Variants in FGF12 observed in about 807,000 individuals in gnomAD.
The protein encoded by FGF12 is fibroblast growth factor 12, also known as fibroblast growth factor 12B.
In FGF12, 14 loss-of-function variants were observed where a neutral mutation model predicts 23.6. The ratio of observed to expected loss-of-function variants is 0.59; its 90% CI spans 0.39 to 0.93. The LOEUF (loss-of-function observed/expected upper bound fraction) is 0.93. Ranked by LOEUF, FGF12 falls within the 40% of genes least tolerant of loss-of-function variation. The probability of loss-of-function intolerance (pLI) is 0.00; values close to 1 mark genes in which losing one functional copy is unlikely to be tolerated. For synonymous variants in FGF12, 62 were observed against 77.3 expected (o/e 0.80, Z 1.04); for missense variants, 175 against 217.8 (o/e 0.80, Z 1.24).
chr3:192,349,507 T>C (rs1718111485), intron 3 of FGF12, among the ~76,000 whole-genome samples: 1 of 152,202 alleles, frequency 6.6e-6, no homozygotes, highest in African/African-American at 2.4e-5. Flanking sequence ...CTTAGATGAA[T>C]AATAAAAGCA....
intron 2 of FGF12, among the ~76,000 whole-genome samples, chr3:192,635,384 T>C (rs1042222710): frequency 7.2e-5 from 11 of 152,196 alleles, no homozygotes; most frequent in Non-Finnish European, 1.3e-4. Context: ...TCCCTACATA[T>C]ACACATGTAC....
chr3:192,206,559 G>T (rs1577235023), intron 4 of FGF12, among the ~76,000 whole-genome samples: 1 of 152,068 alleles, frequency 6.6e-6, no homozygotes, highest in African/African-American at 2.4e-5. Context: ...TGTGTTTTTG[G>T]TTTTTAGTCC....
chr3:192,539,497 G>A (rs1375909620), intron 2 of FGF12, among the ~76,000 whole-genome samples: 1 of 152,044 alleles, frequency 6.6e-6, no homozygotes, highest in Non-Finnish European at 1.5e-5. Context: ...AATCCAACTT[G>A]GTCATGATGA....
intron 4 of FGF12, among the ~76,000 whole-genome samples, chr3:192,323,477 A>T (rs929128569): frequency 1.3e-5 from 2 of 152,202 alleles, no homozygotes; most frequent in African/African-American, 4.8e-5. Context: ...GACAAGCATC[A>T]TATGTTCTTA....
rs144974803 is a variant in FGF12 at position 192,666,377 on chromosome 3, A to G, written c.13+60804T>C. Among the ~76,000 whole-genome samples the G allele has an allele frequency of 1.8e-4, 27 of 152,350 alleles. No individual in the cohort carries two copies. The East Asian group carries it at 5.2e-3, about 29-fold the overall frequency. ...ATGGATGGATGCTCATTTGTAGTCA[A>G]AACATTTCCAGAAGGATTTACAAGC... On this transcript the variant is annotated intron_variant, in intron 2 of 5. Coordinates refer to ENST00000445105, the MANE Select transcript of FGF12 (RefSeq NM_004113.6).
At chr3:192,299,294 T>G (rs753826732) in intron 4 of FGF12, among the ~76,000 whole-genome samples, 46 of 152,218 alleles carry the variant, frequency 3.0e-4, no homozygotes, top group Non-Finnish European at 5.6e-4. Flanking sequence ...ATATCACTTT[T>G]GACTACACTC....
Position 192,647,703 on chromosome 3 carries a change from GTA to G in FGF12, c.13+79476_13+79477del, listed in dbSNP as rs34697057. The stretch of plus-strand genomic sequence containing the variant: ...TATATACATATATATGTATATATGT[GTA>G]TATATACATATATATATACACATAT... On this transcript the variant is annotated intron_variant, in intron 2 of 5. Coordinates refer to ENST00000445105, the MANE Select transcript of FGF12 (RefSeq NM_004113.6). Among the ~76,000 whole-genome samples, 1,216 of 145,732 alleles carry G rather than the reference GTA, an allele frequency of 8.3e-3. 19 individuals carry two copies. The highest frequency in any genetic ancestry group is 0.03 in the African/African-American group (1,185 of 39,272).
chr3:192,351,759 G>A (rs1376599110), intron 3 of FGF12, among the ~76,000 whole-genome samples: 2 of 152,150 alleles, frequency 1.3e-5, no homozygotes, highest in South Asian at 2.1e-4. Flanking sequence ...TGTGACTTGC[G>A]CAGCTGTAAA....
At chr3:192,624,356 A>G (rs1425940287) in intron 2 of FGF12, among the ~76,000 whole-genome samples, 1 of 152,146 alleles carries the variant, frequency 6.6e-6, no homozygotes, top group Non-Finnish European at 1.5e-5. Flanking sequence ...TACAATTGTC[A>G]TGCACATACC....
intron 2 of FGF12, among the ~76,000 whole-genome samples, chr3:192,382,765 T>C (rs1719873830): frequency 6.6e-6 from 1 of 152,224 alleles, no homozygotes; most frequent in African/African-American, 2.4e-5. Context: ...TATATAATTA[T>C]TAAATTTGAA....
At chr3:192,718,567 T>A (rs1326329847) in intron 2 of FGF12, among the ~76,000 whole-genome samples, 1 of 152,118 alleles carries the variant, frequency 6.6e-6, no homozygotes, top group Non-Finnish European at 1.5e-5. Context: ...AAACTGAAGA[T>A]GGGGCGGGAA....
chr3:192,405,195 T>C (rs1050968543), intron 2 of FGF12, among the ~76,000 whole-genome samples: 1 of 151,142 alleles, frequency 6.6e-6, no homozygotes, highest in Admixed American at 6.6e-5. Flanking sequence ...AACTGTGTGA[T>C]GTGAGGCCAT....
intron 2 of FGF12, among the ~76,000 whole-genome samples, chr3:192,463,315 G>C (rs1722916011): frequency 1.3e-5 from 2 of 152,160 alleles, no homozygotes; most frequent in South Asian, 4.1e-4. Context: ...AGCTGCTTGG[G>C]AGGCTGAGGC....
intron 2 of FGF12, among the ~76,000 whole-genome samples, chr3:192,666,416 C>T (rs567740322): frequency 1.3e-5 from 2 of 152,296 alleles, no homozygotes; most frequent in South Asian, 4.1e-4. Context: ...CTTCCCAGGA[C>T]TTTATACAAT....
intron 4 of FGF12, among the ~76,000 whole-genome samples, chr3:192,171,453 A>G (rs1224417576): frequency 6.6e-6 from 1 of 152,184 alleles, no homozygotes; most frequent in Non-Finnish European, 1.5e-5. Context: ...GCTCACATTC[A>G]TTGCTTCACA....
chr3:192,400,852 C>T (rs139504366), intron 2 of FGF12, among the ~76,000 whole-genome samples: 133 of 152,312 alleles, frequency 8.7e-4, no homozygotes, highest in African/African-American at 3.1e-3. Flanking sequence ...TGAAGTTCTG[C>T]TCATTCTACC....
intron 2 of FGF12, among the ~76,000 whole-genome samples, chr3:192,718,333 T>C (rs1718930080): frequency 6.6e-6 from 1 of 151,996 alleles, no homozygotes; most frequent in Admixed American, 6.5e-5. Flanking sequence ...AAAAACATAA[T>C]GTACAATCTG....
chr3:192,664,144 T>C (rs1716767905), intron 2 of FGF12, among the ~76,000 whole-genome samples: 1 of 152,250 alleles, frequency 6.6e-6, no homozygotes, highest in Admixed American at 6.5e-5. Context: ...CTCGTTGTAA[T>C]ATACCTTAAT....
At chr3:192,678,308 G>A (rs1222570139) in intron 2 of FGF12, among the ~76,000 whole-genome samples, 1 of 152,320 alleles carries the variant, frequency 6.6e-6, no homozygotes, top group Admixed American at 6.5e-5. Context: ...GGCAGATACA[G>A]AATGTGAAGC....
Sources: allele counts gnomAD v4.1 joint callset (sites outside exome capture counted in the v4.1 genomes callset), GRCh38; gene constraint gnomAD v4.1.1; transcripts MANE v1.5; gene names NCBI Gene and HGNC (gene_info 2026-07-23, HGNC 2026-07-21).